LMBRD1: variants seen among roughly 807,000 people sequenced by gnomAD.
LMBRD1 encodes LMBR1 domain containing 1, also known as lysosomal cobalamin transport escort protein LMBD1.
In LMBRD1, 64 loss-of-function variants were observed where a neutral mutation model predicts 74.8. The observed-to-expected ratio is 0.86, with a 90% CI of 0.70 to 1.05. The LOEUF (loss-of-function observed/expected upper bound fraction) is 1.05, where lower values mean the gene tolerates loss of function less well. Ranked by LOEUF, LMBRD1 falls within the 50% of genes least tolerant of loss-of-function variation. The pLI, the probability that LMBRD1 is intolerant of heterozygous loss-of-function variation, is 0.00. For synonymous variants in LMBRD1, 204 were observed against 216.3 expected (o/e 0.94, Z 0.50); for missense variants, 652 against 645.9 (o/e 1.01, Z -0.10).
intron 7 of LMBRD1, among the ~76,000 whole-genome samples, chr6:69,719,817 T>C (rs953410112): frequency 2.0e-5 from 3 of 152,212 alleles, no homozygotes; most frequent in African/African-American, 7.2e-5. Flanking sequence ...AACTCTGAAG[T>C]GGATACTACA....
intron 7 of LMBRD1, among the ~76,000 whole-genome samples, chr6:69,720,922 G>A (rs1040455377): frequency 2.6e-5 from 4 of 152,168 alleles, no homozygotes; most frequent in African/African-American, 7.2e-5. Flanking sequence ...GAATCTTTTC[G>A]CTTTCAGGAG....
intron 12 of LMBRD1, 76 bp from the exon 13 acceptor site, chr6:69,699,268 G>C (rs1766076115): frequency 1.5e-6 from 2 of 1,304,676 alleles, no homozygotes; most frequent in Admixed American, 3.4e-5. Context: ...TTGTGTTATG[G>C]GAAATGATTT....
At chr6:69,754,943 A>G (rs1354644586) in intron 3 of LMBRD1, among the ~76,000 whole-genome samples, 1 of 152,246 alleles carries the variant, frequency 6.6e-6, no homozygotes, top group African/African-American at 2.4e-5. Context: ...AATGCTGGAG[A>G]GGATGTGGAG....
At chr6:69,763,625 A>G (rs1258846353) in intron 3 of LMBRD1, among the ~76,000 whole-genome samples, 1 of 152,186 alleles carries the variant, frequency 6.6e-6, no homozygotes, top group Non-Finnish European at 1.5e-5. Flanking sequence ...GGGATTGTCT[A>G]GGTTTCAACA....
chr6:69,726,134 C>G (rs1766730002), intron 7 of LMBRD1, among the ~76,000 whole-genome samples: 1 of 152,142 alleles, frequency 6.6e-6, no homozygotes. Context: ...AAAAGGTGCT[C>G]AACATCACTG....
chr6:69,775,026 G>GGAGC (rs1765669018), intron 3 of LMBRD1, among the ~76,000 whole-genome samples: 3 of 90,624 alleles, frequency 3.3e-5, no homozygotes, highest in African/African-American at 1.7e-4. Context: ...AGGGAGGGAG[G>GGAGC]GAGGGAGGGA....
At chr6:69,736,333 T>G (rs1030586228) in intron 7 of LMBRD1, among the ~76,000 whole-genome samples, 2 of 152,156 alleles carry the variant, frequency 1.3e-5, no homozygotes, top group African/African-American at 4.8e-5. Flanking sequence ...TATAAAAGAT[T>G]CAGCTTCCCT....
intron 3 of LMBRD1, among the ~76,000 whole-genome samples, chr6:69,756,318 G>A (rs959380511): frequency 2.0e-5 from 3 of 148,734 alleles, no homozygotes; most frequent in African/African-American, 2.6e-5. Flanking sequence ...AGCCCAATTC[G>A]CGCCACTGCA....
chr6:69,767,551 G>C (rs550845535), intron 3 of LMBRD1, among the ~76,000 whole-genome samples: 2 of 151,518 alleles, frequency 1.3e-5, no homozygotes, highest in East Asian at 3.9e-4. Flanking sequence ...CATTATGATT[G>C]GAAAATGCAC....
chr6:69,695,930 A>C (rs1582056625), intron 14 of LMBRD1, among the ~76,000 whole-genome samples: 1 of 144,844 alleles, frequency 6.9e-6, no homozygotes, highest in South Asian at 2.2e-4. Flanking sequence ...TGCAACTTCC[A>C]CCTCCCAGGT....
chr6:69,774,479 T>C (rs911102030), intron 3 of LMBRD1, among the ~76,000 whole-genome samples: 2 of 152,214 alleles, frequency 1.3e-5, no homozygotes, highest in African/African-American at 2.4e-5. Flanking sequence ...TTTTAATTCA[T>C]TTACCCCCGC....
chr6:69,770,548 T>C (rs916865822), intron 3 of LMBRD1, among the ~76,000 whole-genome samples: 2 of 152,172 alleles, frequency 1.3e-5, no homozygotes, highest in Non-Finnish European at 2.9e-5. Flanking sequence ...CACTCAATCT[T>C]AACAACACGG....
intron 9 of LMBRD1, chr6:69,705,663 T>A: frequency 2.3e-6 from 2 of 874,066 alleles, no homozygotes; most frequent in Non-Finnish European, 3.8e-6. Flanking sequence ...ATCATTATCA[T>A]CATCATCATC....
At chr6:69,707,417 A>C (rs1766283564) in intron 9 of LMBRD1, among the ~76,000 whole-genome samples, 1 of 152,202 alleles carries the variant, frequency 6.6e-6, no homozygotes. Context: ...GGGCATCATT[A>C]GGTGAAGAAA....
At chr6:69,776,961 A>G (rs1765718423) in intron 3 of LMBRD1, among the ~76,000 whole-genome samples, 1 of 152,070 alleles carries the variant, frequency 6.6e-6, no homozygotes, top group African/African-American at 2.4e-5. Flanking sequence ...AGTATGACCA[A>G]CATGGCAAAA....
chr6:69,755,619 T>C (rs1765252326), intron 3 of LMBRD1, among the ~76,000 whole-genome samples: 1 of 145,788 alleles, frequency 6.9e-6, no homozygotes, highest in African/African-American at 2.5e-5. Flanking sequence ...TGTTAACAGG[T>C]ATTCCAAAGC....
chr6:69,679,046 A>AC (rs59098996), intron 14 of LMBRD1, among the ~76,000 whole-genome samples: 93 of 82,784 alleles, frequency 1.1e-3, no homozygotes, highest in Middle Eastern at 0.019. Flanking sequence ...GTTAAAACAA[A>AC]AAAAAAAAAA....
Position 69,700,815 on chromosome 6 carries a change from T to A in LMBRD1, c.1138A>T (p.Thr380Ser). 1 of 1,511,480 alleles carries A rather than the reference T, an allele frequency of 6.6e-7. No homozygotes were observed. The allele number at this position is 1,511,480 out of a possible 1,614,324, so 93.6% of individuals were successfully genotyped here. The change falls in exon 12 of 16, where the codon ACT becomes TCT. Residue 380 changes from threonine (T) to serine (S), a missense_variant. Transcript: ENST00000649934. Reference sequence around the variant, plus strand: ...ATATTTCGAATTCCTGCCATTGAAGTAAAAATAAAGTACATAATAATAATT... The same window carrying A: ...ATATTTCGAATTCCTGCCATTGAAGAAAAAATAAAGTACATAATAATAATT... ...ITIIIMYFIF[T>S]SMAGIRNIGI...
chr6:69,704,242 T>C (rs1336596643), intron 9 of LMBRD1, among the ~76,000 whole-genome samples: 1 of 152,112 alleles, frequency 6.6e-6, no homozygotes, highest in East Asian at 1.9e-4. Flanking sequence ...ACCAAACTTT[T>C]AATTTCAAGT....
Sources: gnomAD v4.1 joint callset for allele counts (sites outside exome capture counted in the v4.1 genomes callset) on GRCh38, gnomAD v4.1.1 for gene constraint, MANE v1.5 for transcripts, NCBI Gene and HGNC (gene_info 2026-07-23, HGNC 2026-07-21) for gene names.